The following NR2F1-AS1 variants were observed in gnomAD, a reference collection of about 807,000 sequenced individuals.
NR2F1-AS1 encodes NR2F1 antisense RNA 1.
intron 4 of NR2F1-AS1, among the ~76,000 whole-genome samples, chr5:93,547,042 A>C (rs1001847844): frequency 3.9e-5 from 6 of 152,214 alleles, no homozygotes; most frequent in Non-Finnish European, 7.3e-5. Flanking sequence ...CTGCTGTGTG[A>C]GTTTCCAGCC....
At chr5:93,501,293 G>A (rs1246860434) in intron 4 of NR2F1-AS1, among the ~76,000 whole-genome samples, 1 of 150,358 alleles carries the variant, frequency 6.7e-6, no homozygotes, top group Non-Finnish European at 1.5e-5. Flanking sequence ...CAAAGAAAGT[G>A]AGTTGTTTTT....
chr5:93,410,636 T>C (rs1255644716), intron 4 of NR2F1-AS1: 1 of 152,064 alleles, frequency 6.6e-6, no homozygotes, highest in African/African-American at 2.4e-5. Context: ...CCCCACACCA[T>C]CCACAGAAAA....
At chr5:93,487,302 A>C (rs1750745456) in intron 4 of NR2F1-AS1, among the ~76,000 whole-genome samples, 1 of 152,216 alleles carries the variant, frequency 6.6e-6, no homozygotes, top group African/African-American at 2.4e-5. Flanking sequence ...AGAGAAAATC[A>C]AATTGTCTCT....
At chr5:93,419,902 T>A (rs1027024902) in intron 4 of NR2F1-AS1, among the ~76,000 whole-genome samples, 2 of 152,026 alleles carry the variant, frequency 1.3e-5, no homozygotes, top group Admixed American at 6.6e-5. Context: ...GCTATAGAAT[T>A]ATATCATCTT....
At chr5:93,572,507 C>G (rs1752794969) in intron 1 of NR2F1-AS1, among the ~76,000 whole-genome samples, 1 of 152,168 alleles carries the variant, frequency 6.6e-6, no homozygotes, top group African/African-American at 2.4e-5. Context: ...GCTGGCTCCC[C>G]GTCCCTCCTC....
rs142053181 is a variant in NR2F1-AS1, at chr5:93,529,005, C to A, written n.638+24756G>T. Among the ~76,000 whole-genome samples, 320 of 151,890 alleles carry A rather than the reference C, an allele frequency of 2.1e-3. 2 individuals carry two copies. The highest frequency in any genetic ancestry group is 7.4e-3 in the African/African-American group (308 of 41,424). ...GGCACATGTATATCTATGTAACAAACCTGCACGTTCTGCACATATATCCCA... is the reference window on the plus strand; with the variant it reads ...GGCACATGTATATCTATGTAACAAAACTGCACGTTCTGCACATATATCCCA... On this transcript the variant is annotated intron_variant and non_coding_transcript_variant, in intron 4 of 5. Transcript: ENST00000660523.
chr5:93,536,870 G>A (rs2149903280), intron 4 of NR2F1-AS1, among the ~76,000 whole-genome samples: 1 of 152,280 alleles, frequency 6.6e-6, no homozygotes, highest in East Asian at 1.9e-4. Flanking sequence ...TGAATCATGG[G>A]AGTGGGTCTT....
At chr5:93,409,699 CCTTA>C in intron 4 of NR2F1-AS1, 1 of 152,248 alleles carries the variant, frequency 6.6e-6, no homozygotes, top group Non-Finnish European at 1.5e-5. Flanking sequence ...TAGAGCTATT[CCTTA>C]CTGAGGAGCA....
chr5:93,529,296 G>C (rs1751685391), intron 4 of NR2F1-AS1, among the ~76,000 whole-genome samples: 1 of 152,130 alleles, frequency 6.6e-6, no homozygotes, highest in Non-Finnish European at 1.5e-5. Flanking sequence ...ATTGTACTGA[G>C]ACTGAAAGGA....
chr5:93,570,749 C>G (rs899243275), intron 1 of NR2F1-AS1: 1 of 152,272 alleles, frequency 6.6e-6, no homozygotes, highest in East Asian at 1.9e-4. Flanking sequence ...TGCGCAGATA[C>G]CGCGGCCCGG....
chr5:93,576,649 T>C (rs1317460765), intron 1 of NR2F1-AS1, among the ~76,000 whole-genome samples: 3 of 152,210 alleles, frequency 2.0e-5, no homozygotes, highest in East Asian at 1.9e-4. Context: ...GTTTATCTCA[T>C]AGGCAGTAAA....
At chr5:93,529,894 T>C (rs923494303) in intron 4 of NR2F1-AS1, among the ~76,000 whole-genome samples, 6 of 152,248 alleles carry the variant, frequency 3.9e-5, no homozygotes, top group Admixed American at 6.5e-5. Context: ...AATTGACTCA[T>C]TGTACCCTTA....
chr5:93,554,219 C>G (rs1752297812), intron 3 of NR2F1-AS1, among the ~76,000 whole-genome samples: 1 of 152,104 alleles, frequency 6.6e-6, no homozygotes, highest in Non-Finnish European at 1.5e-5. Flanking sequence ...CTTTATATCC[C>G]TCATCACCAG....
rs889557831 is a variant in NR2F1-AS1, at chr5:93,548,144, T to C, written n.638+5617A>G. Among the ~76,000 whole-genome samples the C allele has an allele frequency of 9.8e-5, 15 of 152,314 alleles. No individual in the cohort carries two copies. The East Asian group carries it at 2.7e-3, about 27-fold the overall frequency. On this transcript the variant is annotated intron_variant and non_coding_transcript_variant, in intron 4 of 5. Coordinates refer to ENST00000660523, the Ensembl canonical transcript of NR2F1-AS1. ...CTGAAGGAAATCTCCAGATATTTCA[T>C]TTCCTCTCTCAATGACTGTCCTATT...
chr5:93,582,065 C>CCT (rs1221093526), upstream of NR2F1-AS1, among the ~76,000 whole-genome samples: 1 of 139,914 alleles, frequency 7.1e-6, no homozygotes, highest in Admixed American at 7.1e-5. Context: ...CCTTTCCTCT[C>CCT]CTCTCTCTCT....
chr5:93,528,848 T>C (rs1298149934), intron 4 of NR2F1-AS1, among the ~76,000 whole-genome samples: 1 of 143,494 alleles, frequency 7.0e-6, no homozygotes, highest in East Asian at 2.0e-4. Flanking sequence ...AATTGAACAA[T>C]GAGAACACAT....
chr5:93,458,997 G>C (rs1414163942), intron 4 of NR2F1-AS1, among the ~76,000 whole-genome samples: 3 of 152,068 alleles, frequency 2.0e-5, no homozygotes, highest in African/African-American at 7.2e-5. Context: ...GAGCGACAGA[G>C]TGAGACTTCA....
intron 4 of NR2F1-AS1, among the ~76,000 whole-genome samples, chr5:93,468,004 A>G (rs746608006): frequency 2.2e-4 from 33 of 152,238 alleles, no homozygotes; most frequent in Non-Finnish European, 4.4e-4. Context: ...TTATGGCTGC[A>G]TAGTATTCCA....
At chr5:93,457,672 A>G (rs1479383439) in intron 4 of NR2F1-AS1, among the ~76,000 whole-genome samples, 2 of 151,674 alleles carry the variant, frequency 1.3e-5, no homozygotes, top group East Asian at 1.9e-4. Flanking sequence ...ACACCTGCAC[A>G]CACCGTTGAT....
Sources: gnomAD v4.1 joint callset for allele counts (sites outside exome capture counted in the v4.1 genomes callset) on GRCh38, gnomAD v4.1.1 for gene constraint, MANE v1.5 for transcripts, NCBI Gene and HGNC (gene_info 2026-07-23, HGNC 2026-07-21) for gene names.